The following PTPRD variants were observed in gnomAD, a reference collection of about 807,000 sequenced individuals.
The protein encoded by PTPRD is protein tyrosine phosphatase receptor type D, also known as receptor-type tyrosine-protein phosphatase delta.
A neutral mutation model predicts 214.5 loss-of-function variants in PTPRD; 34 were observed. The observed-to-expected ratio is 0.16, with a 90% CI of 0.12 to 0.21. The LOEUF (loss-of-function observed/expected upper bound fraction) is 0.21. Among genes scored for constraint, PTPRD ranks in the 10% least tolerant of loss-of-function variants. PTPRD has a pLI of 1.00. For synonymous variants in PTPRD, 1,128 were observed against 845.7 expected, an observed-to-expected ratio of 1.33 and a Z score of -5.79; for missense variants, 2,545 against 2,398.7, an observed-to-expected ratio of 1.06 and a Z score of -1.27.
chr9:10,074,027 T>C (rs1332179081), intron 3 of PTPRD, among the ~76,000 whole-genome samples: 1 of 152,158 alleles, frequency 6.6e-6, no homozygotes, highest in Admixed American at 6.6e-5. Context: ...ATGCTTATAA[T>C]CACCAAATAA....
chr9:8,626,835 C>A (rs756775918), intron 14 of PTPRD, among the ~76,000 whole-genome samples: 2 of 151,652 alleles, frequency 1.3e-5, no homozygotes, highest in Admixed American at 6.6e-5. Flanking sequence ...CAGCTGCCAA[C>A]TTTGGCAGAT....
At chr9:9,275,560 G>C (rs1945284098) in intron 9 of PTPRD, among the ~76,000 whole-genome samples, 1 of 151,112 alleles carries the variant, frequency 6.6e-6, no homozygotes. Context: ...GCTGGTAAGA[G>C]CCTAGATTAT....
At chr9:8,947,190 G>A (rs541822542) in intron 11 of PTPRD, among the ~76,000 whole-genome samples, 17 of 151,606 alleles carry the variant, frequency 1.1e-4, no homozygotes, top group Admixed American at 4.6e-4. Flanking sequence ...TAGGTTGGGC[G>A]TGGTGGCTCA....
chr9:9,604,612 T>A (rs2094019620), intron 7 of PTPRD, among the ~76,000 whole-genome samples: 1 of 152,068 alleles, frequency 6.6e-6, no homozygotes, highest in Non-Finnish European at 1.5e-5. Flanking sequence ...TGTGGTCCAG[T>A]CCAAAACTAC....
intron 35 of PTPRD, among the ~76,000 whole-genome samples, chr9:8,431,897 G>A (rs1441770208): frequency 6.6e-6 from 1 of 152,222 alleles, no homozygotes; most frequent in Admixed American, 6.5e-5. Flanking sequence ...AGTTTCAGAA[G>A]GAATGGTATC....
intron 8 of PTPRD, among the ~76,000 whole-genome samples, chr9:9,509,015 T>C (rs2096635854): frequency 1.3e-5 from 2 of 151,494 alleles, no homozygotes; most frequent in South Asian, 2.1e-4. Context: ...ATTTACTAAA[T>C]ATGGTTGTAA....
At chr9:9,848,785 C>T (rs776100048) in intron 5 of PTPRD, among the ~76,000 whole-genome samples, 5 of 152,036 alleles carry the variant, frequency 3.3e-5, no homozygotes, top group Non-Finnish European at 5.9e-5. Context: ...CCCATTACAG[C>T]CTCATTTCCC....
chr9:8,781,618 G>A (rs2095701356), intron 11 of PTPRD, among the ~76,000 whole-genome samples: 1 of 151,570 alleles, frequency 6.6e-6, no homozygotes, highest in South Asian at 2.1e-4. Context: ...GTCACATGGA[G>A]CACTATGCTA....
intron 3 of PTPRD, among the ~76,000 whole-genome samples, chr9:10,282,767 C>A (rs998218018): frequency 6.6e-6 from 1 of 152,004 alleles, no homozygotes; most frequent in Non-Finnish European, 1.5e-5. Flanking sequence ...GAACCATCAG[C>A]TTCAAAGACA....
chr9:9,844,215 T>C (rs974607450), intron 5 of PTPRD, among the ~76,000 whole-genome samples: 5 of 152,036 alleles, frequency 3.3e-5, no homozygotes, highest in Non-Finnish European at 2.9e-5. Context: ...AGACTGAATA[T>C]ATTCAAGTTT....
intron 12 of PTPRD, among the ~76,000 whole-genome samples, chr9:8,667,797 C>CA (rs2097199094): frequency 6.6e-6 from 1 of 151,868 alleles, no homozygotes; most frequent in South Asian, 2.1e-4. Flanking sequence ...AAATCTGAAA[C>CA]ACTTTTGGTC....
intron 8 of PTPRD, among the ~76,000 whole-genome samples, chr9:9,423,706 C>G (rs2079714873): frequency 6.6e-6 from 1 of 152,046 alleles, no homozygotes; most frequent in African/African-American, 2.4e-5. Context: ...AACAAAAATT[C>G]TAAAATGCAA....
chr9:9,335,583 A>G (rs1448408738), intron 9 of PTPRD, among the ~76,000 whole-genome samples: 1 of 152,094 alleles, frequency 6.6e-6, no homozygotes, highest in East Asian at 1.9e-4. Context: ...AATAATCAAT[A>G]TAAAGGACTT....
At chr9:9,957,687 T>G (rs1295446355) in intron 4 of PTPRD, among the ~76,000 whole-genome samples, 2 of 151,732 alleles carry the variant, frequency 1.3e-5, no homozygotes, top group Non-Finnish European at 2.9e-5. Context: ...TACTGACAAA[T>G]GAATCCTAAA....
intron 9 of PTPRD, among the ~76,000 whole-genome samples, chr9:9,253,639 G>A (rs564301548): frequency 6.6e-6 from 1 of 152,182 alleles, no homozygotes; most frequent in East Asian, 1.9e-4. Flanking sequence ...CTCAACAGAT[G>A]CCAAAGCATA....
At chr9:10,283,465 G>C (rs200709613) in intron 3 of PTPRD, among the ~76,000 whole-genome samples, 1 of 152,292 alleles carries the variant, frequency 6.6e-6, no homozygotes, top group East Asian at 1.9e-4. Flanking sequence ...GTTAACTAAA[G>C]ATTAAATTGT....
chr9:9,177,068 A>G (rs2099925350), intron 10 of PTPRD, among the ~76,000 whole-genome samples: 1 of 152,158 alleles, frequency 6.6e-6, no homozygotes, highest in African/African-American at 2.4e-5. Context: ...GTAATTTATA[A>G]AGAAAAGAGG....
intron 7 of PTPRD, among the ~76,000 whole-genome samples, chr9:9,644,331 G>C (rs999425676): frequency 3.3e-5 from 5 of 151,932 alleles, no homozygotes; most frequent in African/African-American, 9.7e-5. Flanking sequence ...TGGTTTTCTG[G>C]GCTTCTCAGT....
intron 10 of PTPRD, among the ~76,000 whole-genome samples, chr9:9,091,486 T>C (rs1177681914): frequency 6.6e-6 from 1 of 152,166 alleles, no homozygotes; most frequent in Non-Finnish European, 1.5e-5. Context: ...GAATTCTAGG[T>C]AGCTTCAATA....
Sources: allele counts gnomAD v4.1 joint callset (sites outside exome capture counted in the v4.1 genomes callset), GRCh38; gene constraint gnomAD v4.1.1; transcripts MANE v1.5; gene names NCBI Gene and HGNC (gene_info 2026-07-23, HGNC 2026-07-21).